RBFOX3: variants seen among roughly 807,000 people sequenced by gnomAD.
RBFOX3 encodes the protein RNA binding fox-1 homolog 3, also known as RNA binding protein fox-1 homolog 3.
In RBFOX3, 17 loss-of-function variants were observed where a neutral mutation model predicts 48.7. The observed-to-expected ratio is 0.35, with a 90% CI of 0.24 to 0.52. The LOEUF (loss-of-function observed/expected upper bound fraction) is 0.52, where lower values mean the gene tolerates loss of function less well. RBFOX3 is among the 20% of genes least tolerant of loss of function. The pLI, the probability that RBFOX3 is intolerant of heterozygous loss-of-function variation, is 0.94. For synonymous variants in RBFOX3, 212 were observed against 209.5 expected (o/e 1.01, Z -0.10); for missense variants, 382 against 497.5 (o/e 0.77, Z 2.21).
rs1426354832 is a variant in RBFOX3, at chr17:79,362,337, G to A, written c.-174-54513C>T. ...CCTTCAGGGCTTGGCTGAGATCCCC[G>A]GCCAGCGTCTGCGTAGGACGGTGGG... On this transcript the variant is annotated intron_variant, in intron 2 of 14. Coordinates refer to ENST00000693108, the MANE Select transcript of RBFOX3 (RefSeq NM_001350451.2). The surrounding 1 kb of genome is among the most constrained non-coding windows in gnomAD (Gnocchi z 4.2). Among the ~76,000 whole-genome samples, 3 of 152,220 alleles carry A rather than the reference G, an allele frequency of 2.0e-5. No homozygotes were observed. The highest frequency in any genetic ancestry group is 6.5e-5 in the Admixed American group (1 of 15,282).
intron 4 of RBFOX3, among the ~76,000 whole-genome samples, chr17:79,194,305 G>C (rs554046884): frequency 2.6e-5 from 4 of 152,212 alleles, no homozygotes; most frequent in Non-Finnish European, 4.4e-5. Flanking sequence ...CAGGAATCTA[G>C]GTACAAACTG....
At chr17:79,266,557 G>A (rs1327946136) in intron 3 of RBFOX3, among the ~76,000 whole-genome samples, 1 of 152,122 alleles carries the variant, frequency 6.6e-6, no homozygotes, top group Non-Finnish European at 1.5e-5. Flanking sequence ...CGAAGTGCTT[G>A]GAATTTCCCG....
chr17:79,278,121 G>A lies in RBFOX3; in HGVS notation c.-74+29603C>T, dbSNP rs2069353001. 3.9e-5 allele frequency among the ~76,000 whole-genome samples: 6 copies of A among 152,186 alleles called. No homozygotes were observed. The South Asian group carries it at 1.2e-3, about 32-fold the overall frequency. On this transcript the variant is annotated intron_variant, in intron 3 of 14. Coordinates refer to ENST00000693108, the MANE Select transcript of RBFOX3 (RefSeq NM_001350451.2). ...AGGGGCCACATCTGGAATTGAGATG[G>A]CCCCAGGAAGGCTGGGAGGCTGGCC... is the stretch of plus-strand genomic sequence containing the variant.
At chr17:79,504,021 G>A (rs1217830152) in intron 1 of RBFOX3, among the ~76,000 whole-genome samples, 1 of 149,090 alleles carries the variant, frequency 6.7e-6, no homozygotes. Context: ...AGGTGGCAGG[G>A]TGCTCCAGGT....
chr17:79,607,514 C>G (rs2093860218), intron 1 of RBFOX3, among the ~76,000 whole-genome samples: 1 of 152,166 alleles, frequency 6.6e-6, no homozygotes, highest in Non-Finnish European at 1.5e-5. Context: ...TTTACTGCCC[C>G]CCACCCCCTA....
Position 79,141,523 on chromosome 17 carries a change from T to C in RBFOX3, c.-33-25775A>G, listed in dbSNP as rs563271062. On this transcript the variant is annotated intron_variant, in intron 4 of 14. Coordinates refer to ENST00000693108, the MANE Select transcript of RBFOX3 (RefSeq NM_001350451.2). ...GCTCAGAGGGGGTCAGCATGGGGCC[T>C]GAGGTTACACAGCACATCAGCAGGG... 4.5e-4 allele frequency among the ~76,000 whole-genome samples: 68 copies of C among 151,570 alleles called. 1 individual carries two copies. The highest frequency in any genetic ancestry group is 1.6e-3 in the African/African-American group (64 of 41,240).
chr17:79,172,801 G>T (rs553745931), intron 4 of RBFOX3, among the ~76,000 whole-genome samples: 5 of 152,180 alleles, frequency 3.3e-5, no homozygotes, highest in Non-Finnish European at 7.4e-5. Context: ...GAATGTTAAC[G>T]ATCTCTCATA....
rs902756295 is a variant in RBFOX3 at position 79,466,688 on chromosome 17, G to A, written c.-175+15766C>T. On this transcript the variant is annotated intron_variant, in intron 2 of 14. Coordinates refer to ENST00000693108, the MANE Select transcript of RBFOX3 (RefSeq NM_001350451.2). ...CCACACACACACACCCTCCCCAAGA[G>A]AAAGCGATTTTGCTAATTTTTCTCC... 1.7e-3 allele frequency among the ~76,000 whole-genome samples: 261 copies of A among 152,346 alleles called. 1 individual carries two copies. Among genetic ancestry groups the A allele is most frequent in the African/African-American group, 6.1e-3 (254 of 41,592 alleles).
chr17:79,549,186 T>A (rs1387663569), intron 1 of RBFOX3, among the ~76,000 whole-genome samples: 2 of 152,218 alleles, frequency 1.3e-5, no homozygotes, highest in Admixed American at 6.5e-5. Context: ...CCACACAGCC[T>A]CAAGATTTTC....
chr17:79,227,596 A>G (rs1388928484), intron 4 of RBFOX3, among the ~76,000 whole-genome samples: 1 of 152,070 alleles, frequency 6.6e-6, no homozygotes, highest in Non-Finnish European at 1.5e-5. Flanking sequence ...TGGCTGGGGG[A>G]TGGCGGCGTG....
intron 4 of RBFOX3, among the ~76,000 whole-genome samples, chr17:79,229,112 C>T: frequency 6.6e-6 from 1 of 151,342 alleles, no homozygotes; most frequent in Non-Finnish European, 1.5e-5. Context: ...GCCTGTAATC[C>T]CAGCTACTTG....
At chr17:79,321,281 G>A (rs958013800) in intron 2 of RBFOX3, among the ~76,000 whole-genome samples, 1 of 152,200 alleles carries the variant, frequency 6.6e-6, no homozygotes, top group African/African-American at 2.4e-5. Flanking sequence ...TCTTCCCTGT[G>A]TCTGCACCAA....
At chr17:79,149,396 C>T (rs987202140) in intron 4 of RBFOX3, among the ~76,000 whole-genome samples, 1 of 152,178 alleles carries the variant, frequency 6.6e-6, no homozygotes, top group African/African-American at 2.4e-5. Context: ...CAGCCCCGGC[C>T]CCTCCTGGTG....
chr17:79,489,760 C>T (rs923860634), intron 1 of RBFOX3, among the ~76,000 whole-genome samples: 1 of 152,188 alleles, frequency 6.6e-6, no homozygotes, highest in Admixed American at 6.5e-5. Context: ...ACTAGCTTCT[C>T]CCTGGGTGCC....
At chr17:79,115,327 C>A (rs2033590811) in intron 5 of RBFOX3, among the ~76,000 whole-genome samples, 167 bp downstream of exon 5, 1 of 152,198 alleles carries the variant, frequency 6.6e-6, no homozygotes, top group African/African-American at 2.4e-5. Context: ...CTGGGGGTGA[C>A]TTCTGGCCCA....
At chr17:79,459,895 T>C (rs1258011570) in intron 2 of RBFOX3, among the ~76,000 whole-genome samples, 11 of 152,156 alleles carry the variant, frequency 7.2e-5, no homozygotes, top group South Asian at 4.2e-4. Context: ...GAATAGTCAA[T>C]AGTCAAACGT....
chr17:79,622,965 C>T, the RBFOX3 span, among the ~76,000 whole-genome samples: 1 of 152,162 alleles, frequency 6.6e-6, no homozygotes, highest in African/African-American at 2.4e-5. Flanking sequence ...CTCTACCACG[C>T]CCTGTCCTCA....
At chr17:79,650,043 T>C in the RBFOX3 span, among the ~76,000 whole-genome samples, 2 of 152,070 alleles carry the variant, frequency 1.3e-5, no homozygotes, top group African/African-American at 2.4e-5. Context: ...ACCTCCAACA[T>C]TGGGGATTAC....
intron 4 of RBFOX3, among the ~76,000 whole-genome samples, chr17:79,120,308 G>A (rs145420657): frequency 1.3e-5 from 2 of 152,244 alleles, no homozygotes; most frequent in Non-Finnish European, 2.9e-5. Context: ...ACGTATGTAC[G>A]TATGTATGCA....
Sources: gnomAD v4.1 joint callset for allele counts (sites outside exome capture counted in the v4.1 genomes callset) on GRCh38, gnomAD v4.1.1 for gene constraint, Gnocchi (gnomAD v3.1) non-coding constraint, MANE v1.5 for transcripts, NCBI Gene and HGNC (gene_info 2026-07-23, HGNC 2026-07-21) for gene names.